Variants in TXNRD1 observed in about 807,000 individuals in gnomAD.
TXNRD1 encodes the protein thioredoxin reductase 1, also known as thioredoxin reductase 1, cytoplasmic.
A neutral mutation model predicts 80.3 loss-of-function variants in TXNRD1; 57 were observed. The ratio of observed to expected loss-of-function variants is 0.71; its 90% CI spans 0.57 to 0.89. The LOEUF (loss-of-function observed/expected upper bound fraction) is 0.89, where lower values mean the gene tolerates loss of function less well. Ranked by LOEUF, TXNRD1 falls within the 40% of genes least tolerant of loss-of-function variation. The probability of loss-of-function intolerance (pLI) is 0.00; values close to 1 mark genes in which losing one functional copy is unlikely to be tolerated. For synonymous variants in TXNRD1, 291 were observed against 285.2 expected, an observed-to-expected ratio of 1.02 and a Z score of -0.20; for missense variants, 730 against 803.0, an observed-to-expected ratio of 0.91 and a Z score of 1.10.
chr12:104,328,487 T>C (rs1017074001), intron 13 of TXNRD1, among the ~76,000 whole-genome samples: 4 of 152,212 alleles, frequency 2.6e-5, no homozygotes, highest in Admixed American at 2.6e-4. Flanking sequence ...CCAGGTGCGT[T>C]GGCTCATGCC....
At chr12:104,263,442 GCACA>G (rs970653261) in intron 3 of TXNRD1, among the ~76,000 whole-genome samples, 1 of 152,030 alleles carries the variant, frequency 6.6e-6, no homozygotes, top group Non-Finnish European at 1.5e-5. Flanking sequence ...GGTGTCTGTT[GCACA>G]CACATGTGGT....
At chr12:104,275,314 C>T (rs1272943092) in intron 3 of TXNRD1, among the ~76,000 whole-genome samples, 1 of 151,946 alleles carries the variant, frequency 6.6e-6, no homozygotes, top group African/African-American at 2.4e-5. Flanking sequence ...CTTCTTCTGG[C>T]AAGAAAAGAC....
At chr12:104,311,107 A>G (rs887126416) in intron 4 of TXNRD1, among the ~76,000 whole-genome samples, 183 bp from the exon 5 acceptor site, 2 of 152,238 alleles carry the variant, frequency 1.3e-5, no homozygotes, top group South Asian at 4.1e-4. Context: ...ATAAACTAAG[A>G]TAAAGCAAGC....
rs564481973 is a variant in TXNRD1, at chr12:104,274,962, C to A, written c.305-13969C>A. Among the ~76,000 whole-genome samples the A allele has an allele frequency of 7.9e-5, 12 of 152,096 alleles. No individual in the cohort carries two copies. In the South Asian group the frequency reaches 2.5e-3, roughly 32 times the overall value. ...TCTAAGATTGAAATGGGACACTGAG[C>A]GACCAAAAGCAAATGGATTGCAGAA... On this transcript the variant is annotated intron_variant, in intron 3 of 16. Coordinates refer to ENST00000525566, the MANE Select transcript of TXNRD1 (RefSeq NM_001093771.3).
chr12:104,232,377 A>C (rs1042239055), intron 1 of TXNRD1, among the ~76,000 whole-genome samples: 13 of 152,194 alleles, frequency 8.5e-5, no homozygotes, highest in Non-Finnish European at 7.3e-5. Context: ...CCTGGCCAAC[A>C]TGGTGAAACC....
At chr12:104,339,082 G>C in intron 15 of TXNRD1, 57 bp from the exon 16 acceptor site, 1 of 1,601,844 alleles carries the variant, frequency 6.2e-7, no homozygotes, top group Non-Finnish European at 8.5e-7. Context: ...AGCTGTGTAG[G>C]AAGAGGAGGG....
chr12:104,216,000 A>C (rs2032198946), intron 1 of TXNRD1, 107 bp downstream of exon 1: 6 of 964,088 alleles, frequency 6.2e-6, no homozygotes, highest in Non-Finnish European at 6.1e-6. Flanking sequence ...GAAGCCCCTC[A>C]CTGGAGTCAG....
intron 4 of TXNRD1, among the ~76,000 whole-genome samples, chr12:104,301,573 G>A (rs1420078836): frequency 3.3e-5 from 5 of 152,122 alleles, no homozygotes; most frequent in African/African-American, 1.2e-4. Flanking sequence ...TCCTGACCTC[G>A]TGATCCGCCC....
chr12:104,304,597 A>G (rs754510884), intron 4 of TXNRD1: 34 of 1,614,002 alleles, frequency 2.1e-5, no homozygotes, highest in Non-Finnish European at 2.9e-5. Flanking sequence ...AAAAAAACGT[A>G]GAAAGGATTT....
chr12:104,335,005 T>C (rs1386671291), intron 15 of TXNRD1, among the ~76,000 whole-genome samples: 1 of 152,208 alleles, frequency 6.6e-6, no homozygotes, highest in Non-Finnish European at 1.5e-5. Flanking sequence ...CTGGCACTAC[T>C]AAGAAAGAGC....
intron 10 of TXNRD1, 52 bp downstream of exon 10, chr12:104,321,368 A>C: frequency 6.9e-7 from 1 of 1,459,670 alleles, no homozygotes; most frequent in Non-Finnish European, 9.6e-7. Context: ...AGTAAAAGGC[A>C]AAAAGAGAGT....
intron 3 of TXNRD1, chr12:104,287,290 A>C (rs775301337): frequency 6.8e-6 from 11 of 1,613,904 alleles, no homozygotes; most frequent in African/African-American, 1.3e-5. Context: ...AAACCCAGGC[A>C]GCTTCGTGGC....
At chr12:104,293,540 T>C (rs1299248391) in intron 4 of TXNRD1, among the ~76,000 whole-genome samples, 1 of 152,132 alleles carries the variant, frequency 6.6e-6, no homozygotes, top group Non-Finnish European at 1.5e-5. Flanking sequence ...AACCTTCGCC[T>C]CCTGGGCTTA....
At chr12:104,284,496 A>C (rs2033935658) in intron 3 of TXNRD1, 1 of 152,188 alleles carries the variant, frequency 6.6e-6, no homozygotes, top group African/African-American at 2.4e-5. Flanking sequence ...TATAGGTAGA[A>C]CAGTAGTTTA....
intron 4 of TXNRD1, chr12:104,304,969 T>C: frequency 6.5e-7 from 1 of 1,532,178 alleles, no homozygotes; most frequent in Non-Finnish European, 8.7e-7. Flanking sequence ...TTTTGTGTTT[T>C]TTTTCTGAAG....
At chr12:104,311,773 G>T (rs964290566) in intron 5 of TXNRD1, among the ~76,000 whole-genome samples, 1 of 152,070 alleles carries the variant, frequency 6.6e-6, no homozygotes, top group African/African-American at 2.4e-5. Flanking sequence ...CTGAGGTCAG[G>T]AGTTCAAGAC....
At chr12:104,252,759 G>T (rs2033156299) in intron 2 of TXNRD1, among the ~76,000 whole-genome samples, 1 of 126,102 alleles carries the variant, frequency 7.9e-6, no homozygotes, top group Non-Finnish European at 1.6e-5. Context: ...CTGGAGTGCA[G>T]TGGCGCGATC....
intron 6 of TXNRD1, among the ~76,000 whole-genome samples, chr12:104,314,416 A>G (rs746057442): frequency 6.6e-6 from 1 of 152,326 alleles, no homozygotes; most frequent in Admixed American, 6.5e-5. Flanking sequence ...TAATGTGTCA[A>G]TCTGTGTCAG....
At chr12:104,340,680 C>A (rs1332661950) in intron 16 of TXNRD1, among the ~76,000 whole-genome samples, 1 of 152,150 alleles carries the variant, frequency 6.6e-6, no homozygotes, top group Non-Finnish European at 1.5e-5. Flanking sequence ...CCTCCTCTTT[C>A]TTATAAAGAA....
Sources: allele counts gnomAD v4.1 joint callset (sites outside exome capture counted in the v4.1 genomes callset), GRCh38; gene constraint gnomAD v4.1.1; transcripts MANE v1.5; gene names NCBI Gene and HGNC (gene_info 2026-07-23, HGNC 2026-07-21).